LIF: variants seen among roughly 807,000 people sequenced by gnomAD.
LIF encodes the protein LIF interleukin 6 family cytokine.
A neutral mutation model predicts 15.0 loss-of-function variants in LIF; 9 were observed. That is an observed-to-expected ratio of 0.60 (90% CI 0.36 to 1.04). The LOEUF (loss-of-function observed/expected upper bound fraction) is 1.04. Among genes scored for constraint, LIF ranks in the 50% least tolerant of loss-of-function variants. LIF has a pLI of 0.01. For synonymous variants in LIF, 122 were observed against 119.7 expected (o/e 1.02, Z -0.13); for missense variants, 240 against 266.7 (o/e 0.90, Z 0.70).
Position 30,243,677 on chromosome 22 carries a change from T to C in LIF, c.583A>G (p.Ile195Val). Reference sequence around the variant, plus strand: ...TAGAAGGCCTGGGCCAACACGGCGATGATCTGCTTATACTTCCCCAGGAGT... The same window carrying C: ...TAGAAGGCCTGGGCCAACACGGCGACGATCTGCTTATACTTCCCCAGGAGT... ...CQLLGKYKQI[I>V]AVLAQAF Residue 195 changes from isoleucine (I) to valine (V), a missense_variant, in exon 3 of 3, where the codon ATC becomes GTC. Ile to Val is a conservative substitution (Grantham distance 29). Coordinates refer to ENST00000249075, the MANE Select transcript of LIF (RefSeq NM_002309.5). The surrounding 1 kb of genome is among the most constrained non-coding windows in gnomAD (Gnocchi z 6.0). 1 of 1,613,368 alleles carries C rather than the reference T, an allele frequency of 6.2e-7. No homozygotes were observed. Among genetic ancestry groups the C allele is most frequent in the Non-Finnish European group, 8.5e-7 (1 of 1,179,256 alleles).
chr22:30,244,773 AT>A lies in LIF; in HGVS notation c.179del (p.Asn60MetfsTer27), dbSNP rs1569145226. The A allele has an allele frequency of 6.2e-7, 1 of 1,614,178 alleles. No homozygotes were observed. The highest frequency in any genetic ancestry group is 8.5e-7 in the Non-Finnish European group (1 of 1,179,994). ...AACTTACATAGAGAATAAAGAGGGC[AT>A]TGGCACTGCCATTGAGCTGTGCCAG... The part of the protein sequence containing the change: ...SQLAQLNGSA[N>X]ALFILYYTAQ... On this transcript the variant is annotated frameshift_variant, in exon 2 of 3. Transcript: ENST00000249075. LOFTEE classifies it high-confidence loss of function.
intron 1 of LIF, among the ~76,000 whole-genome samples, chr22:30,245,402 C>A (rs567256558): frequency 7.9e-5 from 12 of 152,306 alleles, no homozygotes; most frequent in African/African-American, 2.9e-4. Flanking sequence ...CCCATTGCAG[C>A]CCAAATCTCC....
chr22:30,245,574 A>C (rs1928854778), intron 1 of LIF, among the ~76,000 whole-genome samples: 1 of 147,286 alleles, frequency 6.8e-6, no homozygotes, highest in Admixed American at 6.8e-5. Flanking sequence ...TTCCTTCCCT[A>C]GTGTCCCCTA....
At position 30,243,715 on chromosome 22, in the gene LIF, T is replaced by C; in HGVS notation, c.545A>G (p.Lys182Arg). The change falls in exon 3 of 3, where the codon AAG becomes AGG. Residue 182 changes from lysine (K) to arginine (R), a missense_variant. Physicochemically the swap from Lys to Arg is conservative, Grantham distance 26. Coordinates refer to ENST00000249075, the MANE Select transcript of LIF (RefSeq NM_002309.5). The surrounding 1 kb of genome is among the most constrained non-coding windows in gnomAD (Gnocchi z 6.0). ...TSGKDVFQKKKLGCQLLGKYK... is the reference protein window; with the variant it reads ...TSGKDVFQKKRLGCQLLGKYK... ...CTTCCCCAGGAGTTGACAGCCCAGCTTCTTCTTCTGGAAGACATCCTTACC... is the reference window on the plus strand; with the variant it reads ...CTTCCCCAGGAGTTGACAGCCCAGCCTCTTCTTCTGGAAGACATCCTTACC... 1 of 1,614,248 alleles carries C rather than the reference T, an allele frequency of 6.2e-7. No homozygotes were observed. The highest frequency in any genetic ancestry group is 1.1e-5 in the South Asian group (1 of 91,086).
chr22:30,246,421 G>C (rs531379472), intron 1 of LIF: 57 of 1,167,832 alleles, frequency 4.9e-5, no homozygotes, highest in Non-Finnish European at 6.0e-5. Context: ...AGAAGGAGAG[G>C]GGGAAGAAGA....
intron 1 of LIF, among the ~76,000 whole-genome samples, chr22:30,245,281 G>A (rs949450251): frequency 2.6e-5 from 4 of 152,164 alleles, no homozygotes; most frequent in African/African-American, 9.7e-5. Context: ...CTGGCCCTCT[G>A]GCTGGAAGGC....
At position 30,240,995 on chromosome 22, in the gene LIF, C is replaced by T. The variant is rs1400490898; in HGVS notation, c.*2656G>A. 1 of 152,250 alleles carries T rather than the reference C, an allele frequency of 6.6e-6. No homozygotes were observed. The highest frequency in any genetic ancestry group is 1.5e-5 in the Non-Finnish European group (1 of 68,054). 9.4% of individuals were successfully genotyped at this position (152,250 alleles called of 1,614,324 possible). A position where few individuals can be genotyped will look rare whatever the true frequency, so the allele number is the denominator to read the frequency against. On this transcript the variant is annotated 3_prime_UTR_variant, in exon 3 of 3. Transcript: ENST00000249075. The stretch of plus-strand genomic sequence containing the variant: ...TAAATAAGGGCCCGGAGACATCTCT[C>T]TTGGTAAACTCTCTCTTCCTCCGGC...
Position 30,243,521 on chromosome 22 carries a change from C to G in LIF, c.*130G>C. ...GAGTGGAGTGGACTGGCCAGGCACC[C>G]TCGGGGTCTGCCAGCAGCCCCCATT... On this transcript the variant is annotated 3_prime_UTR_variant, in exon 3 of 3. Transcript: ENST00000249075. The surrounding 1 kb of genome is among the most constrained non-coding windows in gnomAD (Gnocchi z 6.0). 8.6e-7 allele frequency: 1 copy of G among 1,156,176 alleles called. No individual in the cohort carries two copies. The allele number at this position is 1,156,176 out of a possible 1,614,324, so 71.6% of individuals were successfully genotyped here.
intron 1 of LIF, 50 bp from the exon 2 acceptor site, chr22:30,244,983 C>A (rs1417739825): frequency 6.3e-7 from 1 of 1,596,278 alleles, no homozygotes; most frequent in African/African-American, 1.3e-5. Flanking sequence ...GAAAGGGTGG[C>A]CTGGGGTCAT....
rs1236719410 is a variant in LIF at position 30,243,777 on chromosome 22, C to T, written c.483G>A (p.Val161=). 1.2e-6 allele frequency: 2 copies of T among 1,614,240 alleles called. No individual in the cohort carries two copies. The highest frequency in any genetic ancestry group is 2.2e-5 in the East Asian group (1 of 44,894). ...VLCRLCSKYH[V]GHVDVTYGPD... ...GGCCGTAGGTCACGTCCACATGGCCCACGTGGTACTTGCTGCACAGGCGGC... is the reference window on the plus strand; with the variant it reads ...GGCCGTAGGTCACGTCCACATGGCCTACGTGGTACTTGCTGCACAGGCGGC... Residue 161 remains valine, a synonymous_variant, in exon 3 of 3, where the codon GTG becomes GTA. Coordinates refer to ENST00000249075, the MANE Select transcript of LIF (RefSeq NM_002309.5). This position sits in a 1 kb window ranked among gnomAD's most constrained non-coding sequence, Gnocchi z 6.0.
At chr22:30,246,584 G>A in intron 1 of LIF, 93 bp downstream of exon 1, 1 of 1,494,046 alleles carries the variant, frequency 6.7e-7, no homozygotes, top group Non-Finnish European at 8.9e-7. Flanking sequence ...TGTCTGCGGC[G>A]GGTGGGCGTC....
At position 30,243,858 on chromosome 22, in the gene LIF, G is replaced by A; in HGVS notation, c.402C>T (p.His134=). 1 of 1,614,266 alleles carries A rather than the reference G, an allele frequency of 6.2e-7. No individual in the cohort carries two copies. Among genetic ancestry groups the A allele is most frequent in the Non-Finnish European group, 8.5e-7 (1 of 1,180,044 alleles). The change falls in exon 3 of 3, where the codon CAC becomes CAT. Residue 134 remains histidine (H), a synonymous_variant. Transcript: ENST00000249075. The surrounding 1 kb of genome is among the most constrained non-coding windows in gnomAD (Gnocchi z 6.0). ...TGTCGGCGGTGGCGTTGAGCTTGCT[G>A]TGGAGGCTGAGGGCACTGGGGTTGA... ...KILNPSALSL[H]SKLNATADIL...
intron 1 of LIF, 122 bp from the exon 2 acceptor site, chr22:30,245,055 C>T (rs1928829796): frequency 3.4e-6 from 3 of 873,390 alleles, no homozygotes; most frequent in African/African-American, 3.3e-5. Flanking sequence ...TCCCCCTCAC[C>T]ACCTGCAGCT....
In LIF at chr22:30,240,903, A is replaced by C. The variant is rs1214254139; in HGVS notation, c.*2748T>G. 3.3e-5 allele frequency: 5 copies of C among 152,236 alleles called. No individual in the cohort carries two copies. Among genetic ancestry groups the C allele is most frequent in the Non-Finnish European group, 7.3e-5 (5 of 68,054 alleles). 9.4% of individuals were successfully genotyped at this position (152,236 alleles called of 1,614,324 possible). A position where few individuals can be genotyped will look rare whatever the true frequency, so the allele number is the denominator to read the frequency against. Reference sequence around the variant, plus strand: ...GTGCCCCAAGTCAGGGACAAGGAGGACGATGGGGACGATGGGGAGGAGAGA... The same window carrying C: ...GTGCCCCAAGTCAGGGACAAGGAGGCCGATGGGGACGATGGGGAGGAGAGA... On this transcript the variant is annotated 3_prime_UTR_variant, in exon 3 of 3. Transcript: ENST00000249075.
Position 30,243,715 on chromosome 22 carries a change from T to G in LIF, c.545A>C (p.Lys182Thr). The G allele has an allele frequency of 6.2e-7, 1 of 1,614,248 alleles. No homozygotes were observed. The highest frequency in any genetic ancestry group is 1.3e-5 in the African/African-American group (1 of 75,062). ...CTTCCCCAGGAGTTGACAGCCCAGC[T>G]TCTTCTTCTGGAAGACATCCTTACC... The part of the protein sequence containing the change: ...TSGKDVFQKK[K>T]LGCQLLGKYK... Residue 182 changes from lysine to threonine, a missense_variant, in exon 3 of 3, where the codon AAG (lysine) becomes ACG (threonine). Lys to Thr is a moderately conservative substitution (Grantham distance 78). Transcript: ENST00000249075. The surrounding 1 kb of genome is among the most constrained non-coding windows in gnomAD (Gnocchi z 6.0).
Position 30,243,799 on chromosome 22 carries a change from C to A in LIF, c.461G>T (p.Arg154Leu). Reference sequence around the variant, plus strand: ...GCCCACGTGGTACTTGCTGCACAGGCGGCACAGCACGTTGCTAAGGAGGCC... The same window carrying A: ...GCCCACGTGGTACTTGCTGCACAGGAGGCACAGCACGTTGCTAAGGAGGCC... ...LRGLLSNVLC[R>L]LCSKYHVGHV... is the part of the protein sequence containing the mutation. The change falls in exon 3 of 3, where the codon CGC (arginine) becomes CTC (leucine). Residue 154 changes from arginine (R) to leucine (L), a missense_variant. Transcript: ENST00000249075. The surrounding 1 kb of genome is among the most constrained non-coding windows in gnomAD (Gnocchi z 6.0). 6.2e-7 allele frequency: 1 copy of A among 1,614,204 alleles called. No homozygotes were observed. The highest frequency in any genetic ancestry group is 8.5e-7 in the Non-Finnish European group (1 of 1,180,034).
chr22:30,246,426 A>C, intron 1 of LIF: 9 of 1,169,640 alleles, frequency 7.7e-6, no homozygotes, highest in Non-Finnish European at 8.5e-6. Flanking sequence ...GAGAGGGGGA[A>C]GAAGAGGAGG....
chr22:30,243,761 T>A lies in LIF; in HGVS notation c.499A>T (p.Thr167Ser), dbSNP rs1215259860. The A allele has an allele frequency of 2.5e-6, 4 of 1,614,240 alleles. No homozygotes were observed. The South Asian group carries it at 3.3e-5, about 13-fold the overall frequency. ...SKYHVGHVDV[T>S]YGPDTSGKDV... ...TTACCCGAGGTGTCAGGGCCGTAGG[T>A]CACGTCCACATGGCCCACGTGGTAC... Residue 167 changes from threonine to serine, a missense_variant, in exon 3 of 3, where the codon ACC (threonine) becomes TCC (serine). By Grantham distance (58) the Thr-to-Ser change is moderately conservative. Coordinates refer to ENST00000249075, the MANE Select transcript of LIF (RefSeq NM_002309.5). The surrounding 1 kb of genome is among the most constrained non-coding windows in gnomAD (Gnocchi z 6.0).
At position 30,244,032 on chromosome 22, in the gene LIF, G is replaced by T; in HGVS notation, c.228C>A (p.Asn76Lys). 1 of 1,611,128 alleles carries T rather than the reference G, an allele frequency of 6.2e-7. No individual in the cohort carries two copies. Among genetic ancestry groups the T allele is most frequent in the Non-Finnish European group, 8.5e-7 (1 of 1,179,500 alleles). The change falls in exon 3 of 3, where the codon AAC (asparagine) becomes AAA (lysine). Residue 76 changes from asparagine to lysine, a missense_variant. By Grantham distance (94) the Asn-to-Lys change is moderately conservative. Transcript: ENST00000249075. ...YYTAQGEPFP[N>K]NLDKLCGPNV... is the part of the protein sequence containing the mutation. ...TGGGGCCACATAGCTTGTCCAGGTT[G>T]TTGGGGAACGGCTCCCCCTGGGCTG...
Sources: allele counts gnomAD v4.1 joint callset (sites outside exome capture counted in the v4.1 genomes callset), GRCh38; gene constraint gnomAD v4.1.1; non-coding constraint Gnocchi (gnomAD v3.1); transcripts MANE v1.5; gene names NCBI Gene and HGNC (gene_info 2026-07-23, HGNC 2026-07-21).